Variants in NINL observed in about 807,000 individuals in gnomAD.
The protein encoded by NINL is ninein like.
NINL carries 153 observed loss-of-function variants against 160.3 expected under a neutral mutation model. The observed-to-expected ratio is 0.95, with a 90% CI of 0.84 to 1.09. The LOEUF (loss-of-function observed/expected upper bound fraction) is 1.09. NINL is among the 50% of genes least tolerant of loss of function. The pLI is 0.00. For missense variants in NINL, 1,829 were observed against 1,764.0 expected, an observed-to-expected ratio of 1.04 and a Z score of -0.66; for synonymous variants, 800 against 734.8, an observed-to-expected ratio of 1.09 and a Z score of -1.43.
In NINL at chr20:25,476,602, G is replaced by C; in HGVS notation, c.2689C>G (p.Pro897Ala). The change falls in exon 17 of 24, where the codon CCG becomes GCG. Residue 897 changes from proline (P) to alanine (A), a missense_variant. Coordinates refer to ENST00000278886, the MANE Select transcript of NINL (RefSeq NM_025176.6). The stretch of plus-strand genomic sequence containing the variant: ...CTCTCTGAGGGGCCGTGGGATGCCG[G>C]GGCAGGGGCGGGGGCCGGGCTCTGC... ...ATQSPAPAPA[P>A]ASHGPSERWS... is the part of the protein sequence containing the mutation. 1.3e-6 allele frequency: 2 copies of C among 1,597,148 alleles called. No homozygotes were observed. Among genetic ancestry groups the C allele is most frequent in the Non-Finnish European group, 1.7e-6 (2 of 1,178,742 alleles).
intron 5 of NINL, among the ~76,000 whole-genome samples, chr20:25,509,365 T>C (rs1316290091): frequency 6.6e-6 from 1 of 152,190 alleles, no homozygotes; most frequent in Non-Finnish European, 1.5e-5. Context: ...CCAGATGCAA[T>C]GCAGTCCATC....
At chr20:25,489,054 G>A (rs560363528) in intron 13 of NINL, 190 bp downstream of exon 13, 7 of 609,072 alleles carry the variant, frequency 1.1e-5, no homozygotes, top group African/African-American at 1.8e-5. Flanking sequence ...ACACAGAGGC[G>A]GCCTTCAGGA....
intron 5 of NINL, among the ~76,000 whole-genome samples, chr20:25,506,275 G>C (rs776756513): frequency 1.3e-5 from 2 of 152,132 alleles, no homozygotes; most frequent in Non-Finnish European, 2.9e-5. Flanking sequence ...AAAAAAGAGG[G>C]TGAGGGCTCT....
At chr20:25,561,872 C>T (rs1289364039) in intron 1 of NINL, among the ~76,000 whole-genome samples, 35 of 151,568 alleles carry the variant, frequency 2.3e-4, no homozygotes, top group South Asian at 4.1e-4. Context: ...AGCGTCTCCG[C>T]CCAGCAGCCA....
intron 11 of NINL, among the ~76,000 whole-genome samples, chr20:25,490,665 A>G (rs988425881): frequency 2.6e-5 from 4 of 152,132 alleles, no homozygotes; most frequent in Admixed American, 1.3e-4. Flanking sequence ...CAGGGATCAG[A>G]TATCGTACCA....
intron 1 of NINL, among the ~76,000 whole-genome samples, chr20:25,584,384 CG>C (rs1265115463): frequency 6.6e-6 from 1 of 152,148 alleles, no homozygotes. Context: ...CGCTTGAATC[CG>C]GGAGGCAGAG....
intron 1 of NINL, among the ~76,000 whole-genome samples, chr20:25,569,424 G>A (rs965847436): frequency 5.3e-5 from 8 of 152,104 alleles, no homozygotes; most frequent in South Asian, 2.1e-4. Flanking sequence ...ACCTGGGAGC[G>A]TCTGTGATAA....
At chr20:25,558,150 C>T (rs542285616) in intron 1 of NINL, among the ~76,000 whole-genome samples, 48 of 152,112 alleles carry the variant, frequency 3.2e-4, no homozygotes, top group African/African-American at 1.1e-3. Context: ...CAAAAACAAA[C>T]GAAAAACAAA....
chr20:25,454,179 C>G (rs781679039), intron 23 of NINL, among the ~76,000 whole-genome samples: 6 of 152,170 alleles, frequency 3.9e-5, no homozygotes, highest in African/African-American at 7.2e-5. Context: ...AGCTTTGTGC[C>G]GTGAAACAAG....
chr20:25,580,337 A>G (rs1477905741), intron 1 of NINL, among the ~76,000 whole-genome samples: 1 of 150,538 alleles, frequency 6.6e-6, no homozygotes, highest in Non-Finnish European at 1.5e-5. Flanking sequence ...CCACCTAAAA[A>G]AAAAAAAAAA....
At chr20:25,477,940 T>TA (rs2063299472) in intron 16 of NINL, among the ~76,000 whole-genome samples, 1 of 151,110 alleles carries the variant, frequency 6.6e-6, no homozygotes, top group African/African-American at 2.4e-5. Context: ...TTTTTTTTTT[T>TA]GAGACGAGTC....
intron 3 of NINL, among the ~76,000 whole-genome samples, chr20:25,514,760 A>C (rs928106262): frequency 6.6e-6 from 1 of 152,224 alleles, no homozygotes; most frequent in Non-Finnish European, 1.5e-5. Flanking sequence ...CTCCAGCTCC[A>C]GCCATGGCTA....
At chr20:25,544,730 G>A (rs1178717936) in intron 1 of NINL, among the ~76,000 whole-genome samples, 1 of 152,168 alleles carries the variant, frequency 6.6e-6, no homozygotes, top group East Asian at 1.9e-4. Flanking sequence ...CATGAAAAAA[G>A]CAGCCACAAA....
At chr20:25,480,301 T>C (rs777045829) in intron 14 of NINL, 34 bp from the exon 15 acceptor site, 1 of 1,579,192 alleles carries the variant, frequency 6.3e-7, no homozygotes, top group African/African-American at 1.3e-5. Context: ...TTTGTCACAC[T>C]GAGGATGCCA....
intron 1 of NINL, among the ~76,000 whole-genome samples, chr20:25,561,269 G>C (rs537838155): frequency 3.5e-4 from 54 of 152,234 alleles, no homozygotes; most frequent in Admixed American, 1.0e-3. Context: ...CAGCTCCTAA[G>C]CGCGAGTGAT....
chr20:25,569,924 C>T (rs151147834), intron 1 of NINL, among the ~76,000 whole-genome samples: 1 of 152,164 alleles, frequency 6.6e-6, no homozygotes, highest in Admixed American at 6.5e-5. Context: ...GTGGCTCACA[C>T]TTGTAATCCC....
chr20:25,459,551 C>A (rs397119), intron 21 of NINL, among the ~76,000 whole-genome samples: 65,803 of 152,026 alleles, frequency 0.43, 14,980 homozygotes, highest in East Asian at 0.92. Context: ...CGTCTCAAGA[C>A]GGTCACTCTG....
At chr20:25,545,703 G>C (rs1336656042) in intron 1 of NINL, among the ~76,000 whole-genome samples, 2 of 152,178 alleles carry the variant, frequency 1.3e-5, no homozygotes. Context: ...CTCTAGCACA[G>C]CATCATAAGA....
chr20:25,552,603 A>C (rs2064818394), intron 1 of NINL, among the ~76,000 whole-genome samples: 1 of 152,222 alleles, frequency 6.6e-6, no homozygotes, highest in Non-Finnish European at 1.5e-5. Flanking sequence ...TTCTGTCTAA[A>C]TCACGGAGGG....
Sources: gnomAD v4.1 joint callset for allele counts (sites outside exome capture counted in the v4.1 genomes callset) on GRCh38, gnomAD v4.1.1 for gene constraint, MANE v1.5 for transcripts, NCBI Gene and HGNC (gene_info 2026-07-23, HGNC 2026-07-21) for gene names.